Variants in NELL1 observed in about 807,000 individuals in gnomAD.
The protein encoded by NELL1 is protein kinase C-binding protein NELL1.
A neutral mutation model predicts 107.4 loss-of-function variants in NELL1; 76 were observed. That is an observed-to-expected ratio of 0.71 (90% confidence interval 0.59 to 0.86). NELL1 has a LOEUF of 0.86. Among genes scored for constraint, NELL1 ranks in the 40% least tolerant of loss-of-function variants. The probability of loss-of-function intolerance (pLI) is 0.00; values close to 1 mark genes in which losing one functional copy is unlikely to be tolerated. For missense variants in NELL1, 1,024 were observed against 1,005.5 expected (o/e 1.02, Z -0.25); for synonymous variants, 353 against 341.2 (o/e 1.03, Z -0.38).
intron 5 of NELL1, among the ~76,000 whole-genome samples, chr11:20,916,196 T>C (rs1047805152): frequency 6.6e-6 from 1 of 151,902 alleles, no homozygotes; most frequent in South Asian, 2.1e-4. Context: ...CAGCTTTTAT[T>C]TCTGTTTTTT....
intron 12 of NELL1, among the ~76,000 whole-genome samples, chr11:20,990,825 C>T (rs918689120): frequency 6.6e-6 from 1 of 152,288 alleles, no homozygotes; most frequent in Middle Eastern, 3.4e-3. Context: ...TACTTGGCTT[C>T]ATTTCATCCT....
chr11:21,473,193 G>T (rs981686323), intron 15 of NELL1, among the ~76,000 whole-genome samples: 1 of 151,998 alleles, frequency 6.6e-6, no homozygotes, highest in African/African-American at 2.4e-5. Flanking sequence ...AGGAGTGTTG[G>T]AGGGGTGAGG....
At chr11:20,695,964 A>AT (rs1372483438) in intron 2 of NELL1, among the ~76,000 whole-genome samples, 3 of 151,892 alleles carry the variant, frequency 2.0e-5, no homozygotes, top group African/African-American at 7.3e-5. Flanking sequence ...AGAAGTTGAT[A>AT]TTGGTTTGTT....
chr11:21,221,272 A>T (rs751761005), intron 13 of NELL1, among the ~76,000 whole-genome samples: 4 of 152,160 alleles, frequency 2.6e-5, no homozygotes, highest in Non-Finnish European at 5.9e-5. Flanking sequence ...GTACTGTTGT[A>T]TTCAGTTTGC....
intron 12 of NELL1, among the ~76,000 whole-genome samples, chr11:21,051,792 AGAACCTACAATGC>A (rs1404134496): frequency 6.6e-6 from 1 of 152,112 alleles, no homozygotes; most frequent in African/African-American, 2.4e-5. Flanking sequence ...ACAAAAATTG[AGAACCTACAATGC>A]ATCAGGCATG....
At chr11:20,875,731 G>A (rs1485823291) in intron 4 of NELL1, among the ~76,000 whole-genome samples, 2 of 152,178 alleles carry the variant, frequency 1.3e-5, no homozygotes, top group Non-Finnish European at 2.9e-5. Flanking sequence ...TATCTGGATC[G>A]TGAATTTTAA....
At chr11:21,313,550 C>T (rs544700900) in intron 14 of NELL1, among the ~76,000 whole-genome samples, 7 of 152,138 alleles carry the variant, frequency 4.6e-5, no homozygotes, top group Non-Finnish European at 1.5e-5. Context: ...TTTTCTCTTT[C>T]TATGACTGGA....
chr11:21,296,428 A>G lies in NELL1; in HGVS notation c.1549+66974A>G, dbSNP rs76006793. ...GTGATGACAATTCTGCATTATATGT[A>G]TATATATATATCTCTAATCATCAAG... On this transcript the variant is annotated intron_variant, in intron 14 of 19. Coordinates refer to ENST00000357134, the MANE Select transcript of NELL1 (RefSeq NM_006157.5). 7.6e-5 allele frequency among the ~76,000 whole-genome samples: 8 copies of G among 105,206 alleles called. No individual in the cohort carries two copies. In the South Asian group the frequency reaches 1.7e-3, roughly 22 times the overall value. 69.0% of individuals were successfully genotyped at this position (105,206 alleles called of 152,430 possible).
At chr11:20,934,440 G>C (rs1396817205) in intron 9 of NELL1, among the ~76,000 whole-genome samples, 2 of 152,206 alleles carry the variant, frequency 1.3e-5, no homozygotes, top group Admixed American at 1.3e-4. Context: ...GTGGATTCGA[G>C]GGGTGGATGT....
intron 5 of NELL1, among the ~76,000 whole-genome samples, chr11:20,888,616 A>G (rs1849557366): frequency 6.6e-6 from 1 of 152,192 alleles, no homozygotes; most frequent in Non-Finnish European, 1.5e-5. Flanking sequence ...TGAAAGAACA[A>G]TGAAATAAAA....
chr11:21,493,625 A>G (rs1198520519), intron 15 of NELL1, among the ~76,000 whole-genome samples: 4 of 152,074 alleles, frequency 2.6e-5, no homozygotes, highest in Admixed American at 6.6e-5. Flanking sequence ...AGATTAAGAA[A>G]GGTTGATTAG....
chr11:21,234,284 C>T (rs566960744), intron 14 of NELL1, among the ~76,000 whole-genome samples: 2 of 152,312 alleles, frequency 1.3e-5, no homozygotes, highest in Non-Finnish European at 2.9e-5. Flanking sequence ...TTCCCATGAT[C>T]TCTCTCTTCT....
At chr11:21,107,556 G>A (rs926105878) in intron 12 of NELL1, among the ~76,000 whole-genome samples, 1 of 152,122 alleles carries the variant, frequency 6.6e-6, no homozygotes, top group African/African-American at 2.4e-5. Flanking sequence ...GTTTTCAGGG[G>A]AGATGTCAAC....
At chr11:21,388,246 G>T (rs369639005) in intron 15 of NELL1, among the ~76,000 whole-genome samples, 3 of 151,720 alleles carry the variant, frequency 2.0e-5, no homozygotes, top group African/African-American at 7.3e-5. Flanking sequence ...GGGCAGTGGG[G>T]TCACAATATG....
chr11:21,469,488 T>G (rs1027330794), intron 15 of NELL1, among the ~76,000 whole-genome samples: 1 of 152,092 alleles, frequency 6.6e-6, no homozygotes, highest in Non-Finnish European at 1.5e-5. Context: ...AGAGAGATTT[T>G]TACTAGCCCA....
chr11:20,865,142 T>G (rs2134079953), intron 4 of NELL1, among the ~76,000 whole-genome samples: 1 of 152,336 alleles, frequency 6.6e-6, no homozygotes, highest in African/African-American at 2.4e-5. Context: ...GCAGTTGAGC[T>G]TAAGGCTTCA....
At chr11:20,839,070 A>T (rs1331776600) in intron 3 of NELL1, among the ~76,000 whole-genome samples, 1 of 151,898 alleles carries the variant, frequency 6.6e-6, no homozygotes, top group Non-Finnish European at 1.5e-5. Context: ...TTTTTTTTTT[A>T]AAGTGTATTC....
intron 12 of NELL1, among the ~76,000 whole-genome samples, chr11:20,964,497 CG>C (rs1184800006): frequency 6.6e-6 from 1 of 152,080 alleles, no homozygotes; most frequent in Non-Finnish European, 1.5e-5. Flanking sequence ...ACTTTTTGAA[CG>C]TTACAATGAA....
intron 12 of NELL1, among the ~76,000 whole-genome samples, chr11:21,029,479 TATC>T (rs1327835856): frequency 1.3e-5 from 2 of 152,074 alleles, no homozygotes; most frequent in Non-Finnish European, 2.9e-5. Flanking sequence ...ACAATCCTGT[TATC>T]ATCACCACCA....
Sources: gnomAD v4.1 joint callset for allele counts (sites outside exome capture counted in the v4.1 genomes callset) on GRCh38, gnomAD v4.1.1 for gene constraint, MANE v1.5 for transcripts, NCBI Gene and HGNC (gene_info 2026-07-23, HGNC 2026-07-21) for gene names.